The following CAMK2D variants were observed in gnomAD, a reference collection of about 807,000 sequenced individuals.
CAMK2D encodes calcium/calmodulin-dependent protein kinase type II subunit delta.
CAMK2D carries 37 observed loss-of-function variants against 84.0 expected under a neutral mutation model. The ratio of observed to expected loss-of-function variants is 0.44; its 90% confidence interval spans 0.34 to 0.58. CAMK2D has a LOEUF of 0.58. CAMK2D is among the 20% of genes least tolerant of loss of function. The pLI, the probability that CAMK2D is intolerant of heterozygous loss-of-function variation, is 0.02. For synonymous variants in CAMK2D, 202 were observed against 212.5 expected, an observed-to-expected ratio of 0.95 and a Z score of 0.43; for missense variants, 448 against 652.5, an observed-to-expected ratio of 0.69 and a Z score of 3.41.
chr4:113,550,419 C>T (rs34402195), intron 5 of CAMK2D, among the ~76,000 whole-genome samples: 48,692 of 152,072 alleles, frequency 0.32, 8,535 homozygotes, highest in South Asian at 0.53. Flanking sequence ...GCAATCCTCC[C>T]ACCTTGGCCT....
chr4:113,592,946 C>T (rs150902706), intron 4 of CAMK2D, among the ~76,000 whole-genome samples: 6,074 of 152,108 alleles, frequency 0.04, 357 homozygotes, highest in East Asian at 0.19. Context: ...CTCTGCCTCC[C>T]GGGTTCCAGT....
chr4:113,758,787 G>A lies in CAMK2D; in HGVS notation c.160+533C>T, dbSNP rs111747684. 4.0e-3 allele frequency among the ~76,000 whole-genome samples: 613 copies of A among 152,260 alleles called. 4 individuals carry two copies. The highest frequency in any genetic ancestry group is 0.014 in the African/African-American group (582 of 41,564). ...TAATGCGAAGACCAAGGTCTGAGCTGCACACAGAAACATCAAAATAAAACT... is the reference window on the plus strand; with the variant it reads ...TAATGCGAAGACCAAGGTCTGAGCTACACACAGAAACATCAAAATAAAACT... On this transcript the variant is annotated intron_variant, in intron 2 of 20. Coordinates refer to ENST00000511664, the MANE Select transcript of CAMK2D (RefSeq NM_001321571.2).
At chr4:113,551,965 G>T in intron 5 of CAMK2D, 66 bp downstream of exon 5, 1 of 751,754 alleles carries the variant, frequency 1.3e-6, no homozygotes, top group Middle Eastern at 2.4e-4. Context: ...CATTTGTAAA[G>T]AAATATGCTG....
chr4:113,741,300 T>C (rs2099592277), intron 2 of CAMK2D, among the ~76,000 whole-genome samples: 1 of 152,174 alleles, frequency 6.6e-6, no homozygotes, highest in Non-Finnish European at 1.5e-5. Flanking sequence ...ATAAATCTTC[T>C]ATCCATGAAA....
intron 18 of CAMK2D, among the ~76,000 whole-genome samples, chr4:113,458,344 T>C (rs866325094): frequency 1.9e-4 from 29 of 152,226 alleles, no homozygotes; most frequent in Non-Finnish European, 1.5e-5. Context: ...ACATCACTTA[T>C]TGATGCTGTT....
chr4:113,618,327 G>A (rs1039112936), intron 3 of CAMK2D, among the ~76,000 whole-genome samples: 2 of 152,084 alleles, frequency 1.3e-5, no homozygotes, highest in Non-Finnish European at 2.9e-5. Context: ...AAAATTAACC[G>A]AGCAGATGAG....
intron 2 of CAMK2D, among the ~76,000 whole-genome samples, chr4:113,675,598 C>T (rs2099315025): frequency 6.6e-6 from 1 of 151,888 alleles, no homozygotes; most frequent in Non-Finnish European, 1.5e-5. Flanking sequence ...GGTAAAGTTC[C>T]CATGGAATCA....
chr4:113,706,734 G>A (rs2099458364), intron 2 of CAMK2D, among the ~76,000 whole-genome samples: 1 of 152,096 alleles, frequency 6.6e-6, no homozygotes, highest in Admixed American at 6.5e-5. Flanking sequence ...TAGATACAAA[G>A]AAATAACTTT....
intron 3 of CAMK2D, among the ~76,000 whole-genome samples, chr4:113,643,167 A>T (rs58203029): frequency 0.056 from 8,591 of 152,254 alleles, 716 homozygotes; most frequent in African/African-American, 0.18. Context: ...GACAAGTGAC[A>T]TTACATTTCT....
intron 4 of CAMK2D, among the ~76,000 whole-genome samples, chr4:113,555,041 G>A (rs1288157196): frequency 1.3e-5 from 2 of 152,154 alleles, no homozygotes; most frequent in African/African-American, 4.8e-5. Context: ...TTATAGTGAT[G>A]TTGATTCACA....
intron 14 of CAMK2D, chr4:113,503,382 TCA>T (rs751604302): frequency 4.4e-5 from 21 of 475,514 alleles, no homozygotes; most frequent in Admixed American, 2.7e-4. Context: ...TTTCAAATTC[TCA>T]GAGAAGATAT....
rs1004330091 is a variant in CAMK2D, at chr4:113,465,576, A to G, written c.1164T>C (p.Thr388=). The change falls in exon 17 of 21, where the codon ACT becomes ACC. Residue 388 remains threonine, a synonymous_variant. Transcript: ENST00000511664. ...KARKQEIIKV[T]EQLIEAINNG... The stretch of plus-strand genomic sequence containing the variant: ...TGTTGATAGCTTCGATCAGTTGTTC[A>G]GTGACTTTGATAATCTCTTGCTTTC... 6.2e-7 allele frequency: 1 copy of G among 1,612,922 alleles called. No individual in the cohort carries two copies. Among genetic ancestry groups the G allele is most frequent in the South Asian group, 1.1e-5 (1 of 91,036 alleles).
intron 16 of CAMK2D, among the ~76,000 whole-genome samples, chr4:113,476,312 G>A (rs2097617394): frequency 6.6e-6 from 1 of 152,040 alleles, no homozygotes; most frequent in Non-Finnish European, 1.5e-5. Flanking sequence ...TAGGTTTGGA[G>A]GAAAATTATT....
At chr4:113,526,642 T>C (rs1413944359) in intron 8 of CAMK2D, among the ~76,000 whole-genome samples, 1 of 151,920 alleles carries the variant, frequency 6.6e-6, no homozygotes, top group Non-Finnish European at 1.5e-5. Context: ...TATTATAAGA[T>C]ATTCCATTAT....
At chr4:113,558,568 G>A (rs889017709) in intron 4 of CAMK2D, among the ~76,000 whole-genome samples, 10 of 147,782 alleles carry the variant, frequency 6.8e-5, no homozygotes, top group Admixed American at 2.0e-4. Flanking sequence ...TTATATCAGG[G>A]ACTTCAGTAT....
intron 2 of CAMK2D, among the ~76,000 whole-genome samples, chr4:113,700,804 G>A (rs760218599): frequency 3.9e-5 from 6 of 152,072 alleles, no homozygotes; most frequent in Non-Finnish European, 7.4e-5. Context: ...AACTGGAGTG[G>A]GCAAAATGCC....
chr4:113,541,181 G>T (rs1056566517), intron 6 of CAMK2D, among the ~76,000 whole-genome samples: 5 of 152,190 alleles, frequency 3.3e-5, no homozygotes, highest in African/African-American at 1.2e-4. Flanking sequence ...AGAGACTTGG[G>T]AGATAAAATA....
chr4:113,708,255 T>C (rs1377990226), intron 2 of CAMK2D, among the ~76,000 whole-genome samples: 1 of 152,174 alleles, frequency 6.6e-6, no homozygotes, highest in Non-Finnish European at 1.5e-5. Flanking sequence ...TGGCTCACTT[T>C]TTAAGTGGTT....
intron 3 of CAMK2D, among the ~76,000 whole-genome samples, chr4:113,643,907 T>A (rs2099141801): frequency 6.6e-6 from 1 of 152,188 alleles, no homozygotes; most frequent in Admixed American, 6.5e-5. Flanking sequence ...CAGGCCAGCT[T>A]TACAAGTGAA....
Sources: gnomAD v4.1 joint callset for allele counts (sites outside exome capture counted in the v4.1 genomes callset) on GRCh38, gnomAD v4.1.1 for gene constraint, MANE v1.5 for transcripts, NCBI Gene and HGNC (gene_info 2026-07-23, HGNC 2026-07-21) for gene names.